SYCP2L: variants seen among roughly 807,000 people sequenced by gnomAD.
SYCP2L encodes the protein synaptonemal complex protein 2-like.
SYCP2L carries 98 observed loss-of-function variants against 125.8 expected under a neutral mutation model. The ratio of observed to expected loss-of-function variants is 0.78; its 90% CI spans 0.66 to 0.92. SYCP2L has a LOEUF of 0.92. SYCP2L is among the 40% of genes least tolerant of loss of function. The pLI is 0.00. For missense variants in SYCP2L, 842 were observed against 936.4 expected (o/e 0.90, Z 1.32); for synonymous variants, 317 against 325.4 (o/e 0.97, Z 0.28).
chr6:10,910,743 T>C (rs1470916321), intron 11 of SYCP2L, 81 bp from the exon 12 acceptor site: 1 of 1,455,472 alleles, frequency 6.9e-7, no homozygotes, highest in Non-Finnish European at 9.6e-7. Flanking sequence ...ACTCTAGTTA[T>C]AAGTGCTTGT....
intron 4 of SYCP2L, among the ~76,000 whole-genome samples, chr6:10,896,913 C>G (rs1324523010): frequency 6.6e-6 from 1 of 152,174 alleles, no homozygotes; most frequent in Non-Finnish European, 1.5e-5. Flanking sequence ...TGGGCTGTCT[C>G]AGGTTCTTGG....
At chr6:10,926,458 G>A in intron 16 of SYCP2L, 26 bp downstream of exon 16, 1 of 1,568,746 alleles carries the variant, frequency 6.4e-7, no homozygotes, top group Non-Finnish European at 8.8e-7. Context: ...ACAAAATTCT[G>A]ACCCTGAGTT....
intron 14 of SYCP2L, among the ~76,000 whole-genome samples, chr6:10,918,780 C>G (rs1400724824): frequency 6.6e-6 from 1 of 152,130 alleles, no homozygotes; most frequent in Admixed American, 6.5e-5. Flanking sequence ...GTGATCCGCC[C>G]ACCTTGGCCT....
intron 21 of SYCP2L, among the ~76,000 whole-genome samples, chr6:10,938,627 A>G (rs1016642449): frequency 2.0e-5 from 3 of 152,246 alleles, no homozygotes; most frequent in African/African-American, 7.2e-5. Flanking sequence ...TTGTTTAAAG[A>G]TGACATGATT....
At chr6:10,931,330 G>C (rs990418044) in intron 19 of SYCP2L, 110 bp from the exon 20 acceptor site, 2 of 1,019,242 alleles carry the variant, frequency 2.0e-6, no homozygotes, top group African/African-American at 3.2e-5. Flanking sequence ...TCTGGAAGCT[G>C]TAGGAAGTGG....
rs1781245946 is a variant in SYCP2L at position 10,942,722 on chromosome 6, A to C, written c.1930A>C (p.Lys644Gln). 1 of 1,613,106 alleles carries C rather than the reference A, an allele frequency of 6.2e-7. No individual in the cohort carries two copies. Among genetic ancestry groups the C allele is most frequent in the Non-Finnish European group, 8.5e-7 (1 of 1,179,808 alleles). ...AACAGAAAGTACTAGCTTGAAACAT[A>C]AGCTGAGAAACTTGGAAGACAAAGG... ...SLTESTSLKH[K>Q]LRNLEDKDIP... is the part of the protein sequence containing the mutation. The change falls in exon 23 of 30, where the codon AAG (lysine) becomes CAG (glutamine). Residue 644 changes from lysine to glutamine, a missense_variant. By Grantham distance (53) the Lys-to-Gln change is moderately conservative. Coordinates refer to ENST00000283141, the MANE Select transcript of SYCP2L (RefSeq NM_001040274.3).
At chr6:10,940,995 G>A (rs949278682) in intron 21 of SYCP2L, among the ~76,000 whole-genome samples, 2 of 152,142 alleles carry the variant, frequency 1.3e-5, no homozygotes, top group South Asian at 2.1e-4. Context: ...AACTACAGAT[G>A]TACAAACCTA....
chr6:10,930,571 A>T (rs1046021168), intron 19 of SYCP2L, 57 bp downstream of exon 19: 4 of 1,544,744 alleles, frequency 2.6e-6, no homozygotes, highest in Non-Finnish European at 2.6e-6. Context: ...TTCAAATCAG[A>T]TATTTATTTT....
chr6:10,918,723 G>A (rs1780732963), intron 14 of SYCP2L, among the ~76,000 whole-genome samples: 1 of 151,938 alleles, frequency 6.6e-6, no homozygotes, highest in Non-Finnish European at 1.5e-5. Context: ...TTTTAGTAGA[G>A]ACGGGTTTCA....
chr6:10,913,075 C>T, intron 14 of SYCP2L, 148 bp downstream of exon 14: 1 of 657,734 alleles, frequency 1.5e-6, no homozygotes, highest in Non-Finnish European at 2.5e-6. Flanking sequence ...TGCGCTGTCA[C>T]AGGTTTGTGA....
intron 14 of SYCP2L, among the ~76,000 whole-genome samples, chr6:10,914,315 T>C (rs906478896): frequency 6.6e-6 from 1 of 152,104 alleles, no homozygotes; most frequent in African/African-American, 2.4e-5. Context: ...GTTTGCTGTA[T>C]GTATTTGGGT....
intron 28 of SYCP2L, 24 bp downstream of exon 28, chr6:10,961,582 A>G: frequency 6.8e-6 from 11 of 1,613,060 alleles, no homozygotes; most frequent in Non-Finnish European, 9.3e-6. Flanking sequence ...TGTTCTTTCT[A>G]GAAGAATCTT....
At chr6:10,890,790 A>G (rs10946843) in intron 1 of SYCP2L, among the ~76,000 whole-genome samples, 38,298 of 152,006 alleles carry the variant, frequency 0.25, 5,068 homozygotes, top group East Asian at 0.47. Context: ...TGTTTCCCCT[A>G]TATTTTATTC....
At chr6:10,959,730 G>A (rs1463853209) in intron 26 of SYCP2L, among the ~76,000 whole-genome samples, 1 of 151,982 alleles carries the variant, frequency 6.6e-6, no homozygotes. Flanking sequence ...TTAGCCAGGC[G>A]TGGTGGCGCA....
At chr6:10,894,228 T>C (rs1298205731) in intron 4 of SYCP2L, 24 bp downstream of exon 4, 24 of 1,609,566 alleles carry the variant, frequency 1.5e-5, no homozygotes, top group Non-Finnish European at 1.9e-5. Context: ...TTTAATTTTA[T>C]ATGGCTTTGG....
At chr6:10,957,391 A>G (rs1441871629) in intron 25 of SYCP2L, among the ~76,000 whole-genome samples, 1 of 152,192 alleles carries the variant, frequency 6.6e-6, no homozygotes, top group Non-Finnish European at 1.5e-5. Context: ...AAGTGGACCT[A>G]TGTGTAAATC....
chr6:10,891,312 A>C (rs1780167228), intron 1 of SYCP2L, among the ~76,000 whole-genome samples: 1 of 152,152 alleles, frequency 6.6e-6, no homozygotes, highest in South Asian at 2.1e-4. Flanking sequence ...GACCATGCTA[A>C]AGAAGGTTGG....
At chr6:10,923,683 CTTTTT>C (rs372980518) in intron 14 of SYCP2L, among the ~76,000 whole-genome samples, 1,444 of 122,354 alleles carry the variant, frequency 0.012, 30 homozygotes, top group African/African-American at 0.042. Context: ...TTTTCTTTTT[CTTTTT>C]TTTTTTTTTT....
At chr6:10,903,716 A>T (rs1370872120) in intron 8 of SYCP2L, among the ~76,000 whole-genome samples, 2 of 151,990 alleles carry the variant, frequency 1.3e-5, no homozygotes, top group East Asian at 3.8e-4. Flanking sequence ...GCACCACTGC[A>T]CTCCAGCCTG....
Sources: gnomAD v4.1 joint callset for allele counts (sites outside exome capture counted in the v4.1 genomes callset) on GRCh38, gnomAD v4.1.1 for gene constraint, MANE v1.5 for transcripts, NCBI Gene and HGNC (gene_info 2026-07-23, HGNC 2026-07-21) for gene names.